The following BCAN variants were observed in gnomAD, a reference collection of about 807,000 sequenced individuals.
BCAN encodes brevican core protein.
BCAN carries 51 observed loss-of-function variants against 92.4 expected under a neutral mutation model. The ratio of observed to expected loss-of-function variants is 0.55; its 90% CI spans 0.44 to 0.70. The LOEUF is 0.70. Ranked by LOEUF, BCAN falls within the 30% of genes least tolerant of loss-of-function variation. The pLI is 0.00. For missense variants in BCAN, 1,140 were observed against 1,212.1 expected (o/e 0.94, Z 0.88); for synonymous variants, 501 against 505.2 (o/e 0.99, Z 0.11).
chr1:156,644,971 C>T (rs1353251610), intron 1 of BCAN: 1 of 152,278 alleles, frequency 6.6e-6, no homozygotes, highest in African/African-American at 2.4e-5. Context: ...CCTGGGAGCA[C>T]ATTGCCCTCG....
chr1:156,655,004 G>A (rs1679286403), intron 8 of BCAN, among the ~76,000 whole-genome samples: 1 of 152,238 alleles, frequency 6.6e-6, no homozygotes, highest in Non-Finnish European at 1.5e-5. Context: ...CAGGCAGTGG[G>A]ACCTGTGGCC....
intron 8 of BCAN, among the ~76,000 whole-genome samples, chr1:156,654,827 G>A (rs1571449971): frequency 6.6e-6 from 1 of 152,224 alleles, no homozygotes; most frequent in African/African-American, 2.4e-5. Context: ...GGGGTTGGGA[G>A]GTGGGCAGCA....
Position 156,657,658 on chromosome 1 carries a change from C to A in BCAN, c.2210-17C>A. 1 of 1,598,112 alleles carries A rather than the reference C, an allele frequency of 6.3e-7. No homozygotes were observed. On this transcript the variant is annotated splice_polypyrimidine_tract_variant and intron_variant, in intron 10 of 13. Coordinates refer to ENST00000329117, the MANE Select transcript of BCAN (RefSeq NM_021948.5). The stretch of plus-strand genomic sequence containing the variant: ...TCTGCTGGCGGCTGCGCTCACTGCA[C>A]GCCTTCGTCTCCCTAGACCGGTACC...
rs568359750 is a variant in BCAN at position 156,658,594 on chromosome 1, C to G, written c.2489C>G (p.Pro830Arg). Residue 830 changes from proline (P) to arginine (R), a missense_variant, in exon 13 of 14, where the codon CCA (proline) becomes CGA (arginine). Pro to Arg is a moderately radical substitution (Grantham distance 103). Around this residue, in one of 3 missense-constraint regions of BCAN, gnomAD observed 825 missense variants for 871.8 expected, o/e 0.95. Transcript: ENST00000329117. The surrounding 1 kb of genome is among the most constrained non-coding windows in gnomAD (Gnocchi z 4.4). ...CCCCTGGCTCAAGTGTTCGGCCGCC[C>G]ACGGCTGCGCTATGAGGTGGACACT... ...ELPLAQVFGR[P>R]RLRYEVDTVL... 3.1e-6 allele frequency: 5 copies of G among 1,614,030 alleles called. No homozygotes were observed. The African/African-American group carries it at 6.7e-5, about 22-fold the overall frequency.
At chr1:156,653,927 T>C (rs1287341560) in intron 8 of BCAN, among the ~76,000 whole-genome samples, 1 of 152,102 alleles carries the variant, frequency 6.6e-6, no homozygotes, top group African/African-American at 2.4e-5. Context: ...TCTCTCAGCA[T>C]AGAGGCAGTT....
At chr1:156,650,874 C>T (rs1007313455) in intron 6 of BCAN, among the ~76,000 whole-genome samples, 50 of 152,188 alleles carry the variant, frequency 3.3e-4, no homozygotes, top group African/African-American at 1.2e-3. Context: ...ATCCAGGAGG[C>T]GAAGGTTGCA....
In BCAN at chr1:156,658,740, G is replaced by T; in HGVS notation, c.2628+7G>T. On this transcript the variant is annotated splice_region_variant and intron_variant, in intron 13 of 13. Coordinates refer to ENST00000329117, the MANE Select transcript of BCAN (RefSeq NM_021948.5). The surrounding 1 kb of genome is among the most constrained non-coding windows in gnomAD (Gnocchi z 4.4). The stretch of plus-strand genomic sequence containing the variant: ...CTGTGTGCCCAGAAGACCTGTGAGT[G>T]CCAGGAAGAGGCAGGTGGGAGTGGG... 6.2e-7 allele frequency: 1 copy of T among 1,613,854 alleles called. No homozygotes were observed. Among genetic ancestry groups the T allele is most frequent in the South Asian group, 1.1e-5 (1 of 91,090 alleles).
chr1:156,646,788 C>T lies in BCAN; in HGVS notation c.92-13C>T, dbSNP rs1399663279. 1 of 1,537,082 alleles carries T rather than the reference C, an allele frequency of 6.5e-7. No homozygotes were observed. Among genetic ancestry groups the T allele is most frequent in the South Asian group, 1.3e-5 (1 of 79,164 alleles). On this transcript the variant is annotated splice_polypyrimidine_tract_variant and intron_variant, in intron 2 of 13. Coordinates refer to ENST00000329117, the MANE Select transcript of BCAN (RefSeq NM_021948.5). The stretch of plus-strand genomic sequence containing the variant: ...GACAGCGTTAAGTTCCAGCCGGCTC[C>T]ACCCGTTCACAGAGGACCGCGCTTT...
In BCAN at chr1:156,658,091, T is replaced by G; in HGVS notation, c.2293-36T>G. ...CTAGGCCCTCTCCCGGTGCTCCTGG[T>G]GTAGGAGCTCCTCACCACCTCCTCC... On this transcript the variant is annotated intron_variant, in intron 11 of 13. Transcript: ENST00000329117. The surrounding 1 kb of genome is among the most constrained non-coding windows in gnomAD (Gnocchi z 4.4). 1 of 1,604,352 alleles carries G rather than the reference T, an allele frequency of 6.2e-7. No homozygotes were observed. The highest frequency in any genetic ancestry group is 8.5e-7 in the Non-Finnish European group (1 of 1,174,228).
At position 156,647,447 on chromosome 1, in the gene BCAN, G is replaced by A; in HGVS notation, c.467-61G>A. 6.9e-6 allele frequency: 10 copies of A among 1,459,742 alleles called. No individual in the cohort carries two copies. The highest frequency in any genetic ancestry group is 9.2e-6 in the Non-Finnish European group (10 of 1,084,304). 90.4% of individuals were successfully genotyped at this position (1,459,742 alleles called of 1,614,324 possible). On this transcript the variant is annotated intron_variant, in intron 3 of 13. Transcript: ENST00000329117. The surrounding 1 kb of genome is among the most constrained non-coding windows in gnomAD (Gnocchi z 4.8). ...TTGTGTACAGAGGAGTGACAAGGAG[G>A]GTGAGGGGAGGCCAGCGTGCTGGGT...
intron 8 of BCAN, chr1:156,653,341 T>C (rs1274145835): frequency 1.4e-5 from 15 of 1,047,018 alleles, no homozygotes; most frequent in African/African-American, 6.7e-5. Flanking sequence ...TTCTCACCCC[T>C]CAACCTCCGG....
In BCAN at chr1:156,647,917, G is replaced by A; in HGVS notation, c.642-66G>A. 6.2e-7 allele frequency: 1 copy of A among 1,604,644 alleles called. No individual in the cohort carries two copies. The highest frequency in any genetic ancestry group is 1.1e-5 in the South Asian group (1 of 90,724). ...ACTGTGGTGGCAGTGGGGTTCAATA[G>A]AATCAATATGGGCTGGCTCCCTGGT... is the stretch of plus-strand genomic sequence containing the variant. On this transcript the variant is annotated intron_variant, in intron 4 of 13. Transcript: ENST00000329117. The surrounding 1 kb of genome is among the most constrained non-coding windows in gnomAD (Gnocchi z 4.8).
Position 156,659,028 on chromosome 1 carries a change from C to A in BCAN, c.2630C>A (p.Ala877Asp). 1 of 1,594,638 alleles carries A rather than the reference C, an allele frequency of 6.3e-7. No homozygotes were observed. Among genetic ancestry groups the A allele is most frequent in the Non-Finnish European group, 8.5e-7 (1 of 1,172,456 alleles). Residue 877 changes from alanine to aspartate, a missense_variant and splice_region_variant, in exon 14 of 14, where the codon GCC becomes GAC. Transcript: ENST00000329117. ...PQISCVPRRP[A>D]RALHPEEDPE... is the part of the protein sequence containing the mutation. ...AGGGTGAGTGTGTGTCTTCCCCAGG[C>A]CCGAGCTCTGCACCCAGAGGAGGAC...
Position 156,646,912 on chromosome 1 carries a change from G to T in BCAN, c.203G>T (p.Arg68Leu), listed in dbSNP as rs770678439. Residue 68 changes from arginine to leucine, a missense_variant, in exon 3 of 14, where the codon CGC becomes CTC. Arg to Leu is a moderately radical substitution (Grantham distance 102). Around this residue, in one of 3 missense-constraint regions of BCAN, gnomAD observed 286 missense variants for 284.1 expected, o/e 1.01. Transcript: ENST00000329117. The part of the protein sequence containing the change: ...HVHYLRPPPS[R>L]RAVLGSPRVK... ...CACTACCTGCGGCCACCGCCGAGCC[G>T]CCGGGCTGTGCTGGGCTCTCCGCGG... The T allele has an allele frequency of 2.0e-5, 32 of 1,611,618 alleles. No homozygotes were observed. The East Asian group carries it at 2.9e-4, about 15-fold the overall frequency.
intron 6 of BCAN, among the ~76,000 whole-genome samples, chr1:156,649,153 A>C (rs562971758): frequency 6.6e-6 from 1 of 152,180 alleles, no homozygotes; most frequent in Non-Finnish European, 1.5e-5. Context: ...ATAAGCTCCC[A>C]TCTCCTGTCA....
chr1:156,648,046 G>C lies in BCAN; in HGVS notation c.705G>C (p.Arg235=), dbSNP rs757901216. The C allele has an allele frequency of 6.2e-7, 1 of 1,614,056 alleles. No homozygotes were observed. The highest frequency in any genetic ancestry group is 2.2e-5 in the East Asian group (1 of 44,874). The part of the protein sequence containing the change: ...YGDMDGFPGV[R]NYGVVDPDDL... ...ACATGGATGGCTTCCCCGGGGTCCG[G>C]AACTATGGTGTGGTGGACCCGGATG... Residue 235 remains arginine (R), a synonymous_variant, in exon 5 of 14, where the codon CGG becomes CGC. Coordinates refer to ENST00000329117, the MANE Select transcript of BCAN (RefSeq NM_021948.5).
rs944288405 is a variant in BCAN at position 156,647,073 on chromosome 1, C to T, written c.364C>T (p.Leu122=). 1.8e-5 allele frequency: 29 copies of T among 1,610,184 alleles called. No individual in the cohort carries two copies. The highest frequency in any genetic ancestry group is 2.4e-5 in the Non-Finnish European group (28 of 1,177,338). The stretch of plus-strand genomic sequence containing the variant: ...CCCAGCGTCGCTCACCGACGTCTCC[C>T]TGGCGCTGAGCGAGCTGCGCCCCAA... The part of the protein sequence containing the change: ...AYPASLTDVS[L]ALSELRPNDS... The change falls in exon 3 of 14, where the codon CTG becomes TTG. Residue 122 remains leucine, a synonymous_variant. Coordinates refer to ENST00000329117, the MANE Select transcript of BCAN (RefSeq NM_021948.5). The surrounding 1 kb of genome is among the most constrained non-coding windows in gnomAD (Gnocchi z 4.8).
intron 1 of BCAN, among the ~76,000 whole-genome samples, chr1:156,645,227 G>C (rs1406891530): frequency 1.3e-5 from 2 of 152,206 alleles, no homozygotes. Flanking sequence ...TAGGGTGGGG[G>C]AAGGGAGGGG....
At chr1:156,646,003 C>A in intron 1 of BCAN, 44 bp from the exon 2 acceptor site, 1 of 1,547,052 alleles carries the variant, frequency 6.5e-7, no homozygotes, top group South Asian at 1.2e-5. Context: ...GGAAGTCCAT[C>A]CTGAAGTCTA....
Sources: gnomAD v4.1 joint callset for allele counts (sites outside exome capture counted in the v4.1 genomes callset) on GRCh38, gnomAD v4.1.1 for gene constraint, gnomAD v4.1.1 regional missense constraint, Gnocchi (gnomAD v3.1) non-coding constraint, MANE v1.5 for transcripts, NCBI Gene and HGNC (gene_info 2026-07-23, HGNC 2026-07-21) for gene names.